The following NFATC3 variants were observed in gnomAD, a reference collection of about 807,000 sequenced individuals.
NFATC3 encodes the protein nuclear factor of activated T cells 3, also known as nuclear factor of activated T-cells, cytoplasmic 3.
In NFATC3, 46 loss-of-function variants were observed where a neutral mutation model predicts 98.6. That is an observed-to-expected ratio of 0.47 (90% confidence interval 0.37 to 0.60). The LOEUF (loss-of-function observed/expected upper bound fraction) is 0.60, where lower values mean the gene tolerates loss of function less well. Among genes scored for constraint, NFATC3 ranks in the 20% least tolerant of loss-of-function variants. The probability of loss-of-function intolerance (pLI) is 0.00; values close to 1 mark genes in which losing one functional copy is unlikely to be tolerated. For missense variants in NFATC3, 1,256 were observed against 1,295.5 expected, an observed-to-expected ratio of 0.97 and a Z score of 0.47; for synonymous variants, 512 against 472.2, an observed-to-expected ratio of 1.08 and a Z score of -1.09.
At chr16:68,184,979 A>G (rs1288897502) in intron 8 of NFATC3, among the ~76,000 whole-genome samples, 1 of 151,550 alleles carries the variant, frequency 6.6e-6, no homozygotes, top group East Asian at 1.9e-4. Context: ...TTAGGGGTTT[A>G]TTTATTTATT....
chr16:68,193,428 G>A (rs573741194), intron 9 of NFATC3, among the ~76,000 whole-genome samples: 227 of 152,188 alleles, frequency 1.5e-3, no homozygotes, highest in Non-Finnish European at 2.8e-3. Context: ...GCTTTGGGAG[G>A]CCAAGGTAGG....
chr16:68,105,814 A>T (rs1567499602), intron 1 of NFATC3, among the ~76,000 whole-genome samples: 1 of 152,062 alleles, frequency 6.6e-6, no homozygotes, highest in Non-Finnish European at 1.5e-5. Flanking sequence ...TAATCTCTGT[A>T]TATCTAGGAG....
In NFATC3 at chr16:68,122,879, A is replaced by G; in HGVS notation, c.996A>G (p.Val332=). 1 of 1,614,206 alleles carries G rather than the reference A, an allele frequency of 6.2e-7. No homozygotes were observed. Among genetic ancestry groups the G allele is most frequent in the East Asian group, 2.2e-5 (1 of 44,884 alleles). The change falls in exon 2 of 10, where the codon GTA becomes GTG. Residue 332 remains valine (V), a synonymous_variant. Coordinates refer to ENST00000346183, the MANE Select transcript of NFATC3 (RefSeq NM_173165.3). ...CAGTTTTTCCATTTCAGTACTGTGT[A>G]GAGACTGACATCCCTCTCAAAACAA... ...GPAVFPFQYC[V]ETDIPLKTRK... is the part of the protein sequence containing the mutation.
Position 68,123,261 on chromosome 16 carries a change from A to C in NFATC3, c.1238+140A>C, listed in dbSNP as rs1303949197. The C allele has an allele frequency of 1.0e-5, 8 of 789,854 alleles. No homozygotes were observed. The Admixed American group carries it at 2.8e-4, about 27-fold the overall frequency. The allele number at this position is 789,854 out of a possible 1,614,324, so 48.9% of individuals were successfully genotyped here. A position where few individuals can be genotyped will look rare whatever the true frequency, so the allele number is the denominator to read the frequency against. ...CCTATTTTTAAAAAAAATTTTACCA[A>C]ATAACTTAATGTTTATTTTCATTTG... On this transcript the variant is annotated intron_variant, in intron 2 of 9. Coordinates refer to ENST00000346183, the MANE Select transcript of NFATC3 (RefSeq NM_173165.3).
chr16:68,140,134 C>CT (rs2037671586), intron 3 of NFATC3, among the ~76,000 whole-genome samples: 1 of 152,060 alleles, frequency 6.6e-6, no homozygotes. Flanking sequence ...GTAGTTGGGA[C>CT]TACAAGGCTC....
At chr16:68,222,916 A>G (rs969072359) in intron 9 of NFATC3, among the ~76,000 whole-genome samples, 10 of 152,146 alleles carry the variant, frequency 6.6e-5, no homozygotes, top group African/African-American at 2.2e-4. Flanking sequence ...GAACCCCCAG[A>G]ACCTGCACAG....
At chr16:68,171,600 A>C (rs1250433190) in intron 5 of NFATC3, among the ~76,000 whole-genome samples, 1 of 151,662 alleles carries the variant, frequency 6.6e-6, no homozygotes, top group East Asian at 1.9e-4. Context: ...CAGCCTCCCA[A>C]ATAGCTGAGA....
At chr16:68,135,476 A>G (rs1030306656) in intron 3 of NFATC3, among the ~76,000 whole-genome samples, 3 of 150,832 alleles carry the variant, frequency 2.0e-5, no homozygotes, top group South Asian at 2.1e-4. Flanking sequence ...AAAAAAAAAA[A>G]AAAAAAAGAA....
At chr16:68,112,817 C>A (rs534095708) in intron 1 of NFATC3, among the ~76,000 whole-genome samples, 1 of 151,474 alleles carries the variant, frequency 6.6e-6, no homozygotes, top group African/African-American at 2.4e-5. Context: ...CTTGTTTGCC[C>A]GTCTTATTTT....
Position 68,227,778 on chromosome 16 carries a change from G to A in NFATC3, c.*1307G>A, listed in dbSNP as rs2042064494. On this transcript the variant is annotated 3_prime_UTR_variant, in exon 10 of 10. Transcript: ENST00000346183. Reference sequence around the variant, plus strand: ...CTGCAGCCTGCTGTCTACCAAAGGAGGTACCCGAGTTGGGTACTTTAAAAA... The same window carrying A: ...CTGCAGCCTGCTGTCTACCAAAGGAAGTACCCGAGTTGGGTACTTTAAAAA... 6.6e-6 allele frequency: 1 copy of A among 151,586 alleles called. No homozygotes were observed. The highest frequency in any genetic ancestry group is 6.6e-5 in the Admixed American group (1 of 15,226). 9.4% of individuals were successfully genotyped at this position (151,586 alleles called of 1,614,324 possible).
At chr16:68,101,641 G>A (rs1483305411) in intron 1 of NFATC3, among the ~76,000 whole-genome samples, 1 of 151,820 alleles carries the variant, frequency 6.6e-6, no homozygotes, top group Non-Finnish European at 1.5e-5. Flanking sequence ...CTGCCACCAC[G>A]CCTGGCTAAT....
chr16:68,173,370 C>T (rs1038873538), intron 5 of NFATC3, among the ~76,000 whole-genome samples: 15 of 152,016 alleles, frequency 9.9e-5, no homozygotes, highest in African/African-American at 3.1e-4. Flanking sequence ...AGTTTGAGAA[C>T]AGCCTGACCA....
intron 1 of NFATC3, among the ~76,000 whole-genome samples, chr16:68,097,893 C>G (rs2035102385): frequency 1.3e-5 from 2 of 152,252 alleles, no homozygotes; most frequent in African/African-American, 2.4e-5. Flanking sequence ...ACCTTTCTCC[C>G]TTTTCCAGAC....
At chr16:68,197,101 G>T (rs2040710547) in intron 9 of NFATC3, among the ~76,000 whole-genome samples, 1 of 151,616 alleles carries the variant, frequency 6.6e-6, no homozygotes, top group Non-Finnish European at 1.5e-5. Context: ...GGAATATCTC[G>T]TTTTTAATTT....
intron 1 of NFATC3, chr16:68,086,670 A>G (rs2034396417): frequency 1.0e-6 from 1 of 985,298 alleles, no homozygotes; most frequent in Non-Finnish European, 1.2e-6. Flanking sequence ...GGATAAGAGT[A>G]ATCCCTATTT....
Position 68,166,972 on chromosome 16 carries a change from A to G in NFATC3, c.1731A>G (p.Gly577=), listed in dbSNP as rs141210190. ...GTGTACACATCCCACAGCCCAGTGG[A>G]AAAGTCCTTTCTCTGCAGATAGCCT... ...VFRVHIPQPS[G]KVLSLQIASI... is the part of the protein sequence containing the mutation. The change falls in exon 5 of 10, where the codon GGA becomes GGG. Residue 577 remains glycine, a synonymous_variant. Transcript: ENST00000346183. 97 of 1,614,036 alleles carry G rather than the reference A, an allele frequency of 6.0e-5. No homozygotes were observed. The highest frequency in any genetic ancestry group is 6.7e-5 in the Admixed American group (4 of 59,986).
chr16:68,226,244 C>A, intron 9 of NFATC3, 106 bp from the exon 10 acceptor site: 1 of 1,367,456 alleles, frequency 7.3e-7, no homozygotes, highest in Non-Finnish European at 9.8e-7. Context: ...TTTATCTTTA[C>A]AGAAAGCCAT....
chr16:68,211,075 C>T (rs879499260), intron 9 of NFATC3, among the ~76,000 whole-genome samples: 5 of 152,044 alleles, frequency 3.3e-5, no homozygotes, highest in Non-Finnish European at 7.4e-5. Context: ...CTTTTCTTTT[C>T]TTATAGTATC....
At chr16:68,118,408 TTC>T (rs2151494712) in intron 1 of NFATC3, among the ~76,000 whole-genome samples, 2 of 152,312 alleles carry the variant, frequency 1.3e-5, no homozygotes, top group African/African-American at 4.8e-5. Flanking sequence ...CTATAACAGT[TTC>T]TATAAAATAT....
Sources: gnomAD v4.1 joint callset for allele counts (sites outside exome capture counted in the v4.1 genomes callset) on GRCh38, gnomAD v4.1.1 for gene constraint, MANE v1.5 for transcripts, NCBI Gene and HGNC (gene_info 2026-07-23, HGNC 2026-07-21) for gene names.